Variants in LRRC37A2 observed in about 807,000 individuals in gnomAD.
LRRC37A2 encodes leucine rich repeat containing 37 member A2.
Under a neutral mutation model 68.8 loss-of-function variants are expected in LRRC37A2, and 9 were observed. The ratio of observed to expected loss-of-function variants is 0.13; its 90% CI spans 0.08 to 0.23. LRRC37A2 has a LOEUF of 0.23. LRRC37A2 is among the 10% of genes least tolerant of loss of function. The pLI is 1.00. For missense variants in LRRC37A2, 168 were observed against 950.4 expected, an observed-to-expected ratio of 0.18 and a Z score of 10.82; for synonymous variants, 63 against 367.6, an observed-to-expected ratio of 0.17 and a Z score of 9.48.
chr17:46,720,253 C>T, the LRRC37A2 span, among the ~76,000 whole-genome samples: 1 of 152,182 alleles, frequency 6.6e-6, no homozygotes, highest in Non-Finnish European at 1.5e-5. Flanking sequence ...CTACAGGTCC[C>T]TGTATGGCTG....
the LRRC37A2 span, among the ~76,000 whole-genome samples, chr17:46,906,682 T>C: frequency 3.3e-5 from 5 of 152,206 alleles, no homozygotes; most frequent in Admixed American, 6.5e-5. Context: ...AACAACCCTA[T>C]GAGAAAGGTG....
chr17:47,021,240 T>C, the LRRC37A2 span, among the ~76,000 whole-genome samples: 4 of 150,844 alleles, frequency 2.7e-5, no homozygotes, highest in Admixed American at 2.6e-4. Context: ...TATGTGCAAG[T>C]GTAGACATGC....
chr17:46,730,708 G>A, the LRRC37A2 span, among the ~76,000 whole-genome samples: 1 of 152,070 alleles, frequency 6.6e-6, no homozygotes, highest in African/African-American at 2.4e-5. Context: ...GGGCTCAAGT[G>A]TTTTCATATT....
the LRRC37A2 span, among the ~76,000 whole-genome samples, chr17:46,724,110 AT>A: frequency 3.3e-5 from 5 of 151,976 alleles, no homozygotes; most frequent in Non-Finnish European, 7.4e-5. Flanking sequence ...GTGTCTCCTA[AT>A]TTTCAGTATA....
At chr17:46,983,051 A>G in the LRRC37A2 span, among the ~76,000 whole-genome samples, 1 of 152,122 alleles carries the variant, frequency 6.6e-6, no homozygotes, top group African/African-American at 2.4e-5. Context: ...AAAATTAGGG[A>G]AGCTGTCAGT....
chr17:46,887,036 C>A, the LRRC37A2 span, among the ~76,000 whole-genome samples: 1 of 152,142 alleles, frequency 6.6e-6, no homozygotes, highest in Non-Finnish European at 1.5e-5. Flanking sequence ...AAGCTGGTCT[C>A]GAACTCCTGG....
chr17:46,943,947 C>T, the LRRC37A2 span, among the ~76,000 whole-genome samples: 3 of 152,176 alleles, frequency 2.0e-5, no homozygotes, highest in South Asian at 2.1e-4. Context: ...CTAGGACAGG[C>T]GTGACTAATG....
the LRRC37A2 span, among the ~76,000 whole-genome samples, chr17:46,772,180 T>A: frequency 6.6e-6 from 1 of 152,148 alleles, no homozygotes; most frequent in African/African-American, 2.4e-5. Context: ...GGGGCGCGTA[T>A]GCGCTCGCGG....
chr17:46,740,956 G>T, the LRRC37A2 span, among the ~76,000 whole-genome samples: 1 of 152,162 alleles, frequency 6.6e-6, no homozygotes, highest in Non-Finnish European at 1.5e-5. Flanking sequence ...TAAGAGCACA[G>T]AGGTCATTAT....
intron 8 of LRRC37A2, among the ~76,000 whole-genome samples, chr17:46,543,474 G>A (rs185397252): frequency 0.093 from 13,161 of 141,182 alleles, no homozygotes; most frequent in Non-Finnish European, 0.14. Context: ...TTATGATTGG[G>A]ACAATTGTGA....
chr17:46,801,395 A>G, the LRRC37A2 span, among the ~76,000 whole-genome samples: 15 of 152,072 alleles, frequency 9.9e-5, no homozygotes, highest in Non-Finnish European at 1.8e-4. Flanking sequence ...TGAGGTGGGC[A>G]CATCACCTGA....
chr17:46,783,837 G>A, the LRRC37A2 span, among the ~76,000 whole-genome samples: 2 of 152,244 alleles, frequency 1.3e-5, no homozygotes, highest in Admixed American at 1.3e-4. Flanking sequence ...AGCAGAGGAG[G>A]GGAAGCAGCT....
the LRRC37A2 span, among the ~76,000 whole-genome samples, chr17:46,810,318 C>T: frequency 6.6e-6 from 1 of 152,122 alleles, no homozygotes; most frequent in Admixed American, 6.5e-5. Context: ...TCTTATTCCT[C>T]TTTTCTAGGA....
chr17:46,867,037 G>A, the LRRC37A2 span, among the ~76,000 whole-genome samples: 1 of 152,204 alleles, frequency 6.6e-6, no homozygotes, highest in Non-Finnish European at 1.5e-5. Flanking sequence ...CACCTGCATG[G>A]TACCAGGAGT....
At chr17:46,859,147 T>G in the LRRC37A2 span, among the ~76,000 whole-genome samples, 2 of 152,076 alleles carry the variant, frequency 1.3e-5, no homozygotes, top group African/African-American at 2.4e-5. Context: ...TAGCTAATTT[T>G]GTATTTTTAG....
chr17:46,715,531 A>T, the LRRC37A2 span, among the ~76,000 whole-genome samples: 3 of 152,174 alleles, frequency 2.0e-5, no homozygotes, highest in Non-Finnish European at 4.4e-5. Context: ...GCAGATGGTA[A>T]ATTACTCCAT....
chr17:46,717,188 G>T, the LRRC37A2 span, among the ~76,000 whole-genome samples: 1 of 152,098 alleles, frequency 6.6e-6, no homozygotes, highest in African/African-American at 2.4e-5. Context: ...CTTGTCATTT[G>T]CAACAACATG....
At chr17:46,834,532 T>C in the LRRC37A2 span, among the ~76,000 whole-genome samples, 2 of 152,180 alleles carry the variant, frequency 1.3e-5, no homozygotes, top group African/African-American at 4.8e-5. Context: ...CTCCTCTCGC[T>C]GGCTTGCCCC....
At chr17:46,788,015 C>T in the LRRC37A2 span, among the ~76,000 whole-genome samples, 78 of 151,234 alleles carry the variant, frequency 5.2e-4, 3 homozygotes, top group South Asian at 0.016. Flanking sequence ...CACCTCAGTG[C>T]AGGTGACCAG....
Sources: allele counts gnomAD v4.1 joint callset (sites outside exome capture counted in the v4.1 genomes callset), GRCh38; gene constraint gnomAD v4.1.1; transcripts MANE v1.5; gene names NCBI Gene and HGNC (gene_info 2026-07-23, HGNC 2026-07-21).